The following USP15 variants were observed in gnomAD, a reference collection of about 807,000 sequenced individuals.
The protein encoded by USP15 is ubiquitin carboxyl-terminal hydrolase 15.
A neutral mutation model predicts 127.1 loss-of-function variants in USP15; 18 were observed. That is an observed-to-expected ratio of 0.14 (90% CI 0.10 to 0.21). USP15 has a LOEUF of 0.21. Among genes scored for constraint, USP15 ranks in the 10% least tolerant of loss-of-function variants. USP15 has a pLI of 1.00. For missense variants in USP15, 805 were observed against 1,159.9 expected, an observed-to-expected ratio of 0.69 and a Z score of 4.44; for synonymous variants, 364 against 393.7, an observed-to-expected ratio of 0.92 and a Z score of 0.89.
chr12:62,353,238 A>G lies in USP15; in HGVS notation c.771-2093A>G, dbSNP rs141969424. Among the ~76,000 whole-genome samples, 212 of 152,134 alleles carry G rather than the reference A, an allele frequency of 1.4e-3. 2 individuals are homozygous for G. Among genetic ancestry groups the G allele is most frequent in the African/African-American group, 4.6e-3 (193 of 41,548 alleles). On this transcript the variant is annotated intron_variant, in intron 7 of 21. Coordinates refer to ENST00000280377, the MANE Select transcript of USP15 (RefSeq NM_001252078.2). The stretch of plus-strand genomic sequence containing the variant: ...TCTCAATCTTTGAGCAAAGTTGTAG[A>G]TATTATTTAGGGATTTAGATTTTTT...
In USP15 at chr12:62,336,588, T is replaced by G. The variant is rs1246199212; in HGVS notation, c.683+10655T>G. Reference sequence around the variant, plus strand: ...TCATATTCGAAATTGAAATAAGATTTTAAGGTATTTTAAAATAACAGTACA... The same window carrying G: ...TCATATTCGAAATTGAAATAAGATTGTAAGGTATTTTAAAATAACAGTACA... On this transcript the variant is annotated intron_variant, in intron 6 of 21. Transcript: ENST00000280377. 4.2e-6 allele frequency: 3 copies of G among 722,632 alleles called. No homozygotes were observed. In the East Asian group the frequency reaches 3.9e-4, roughly 95 times the overall value. 44.8% of individuals were successfully genotyped at this position (722,632 alleles called of 1,614,324 possible).
At chr12:62,307,528 C>T (rs1213243759) in intron 3 of USP15, among the ~76,000 whole-genome samples, 1 of 152,122 alleles carries the variant, frequency 6.6e-6, no homozygotes, top group East Asian at 1.9e-4. Flanking sequence ...TCTTAGTTCA[C>T]AGGCCTATAC....
chr12:62,321,835 A>T (rs2064993411), intron 5 of USP15, among the ~76,000 whole-genome samples: 1 of 152,188 alleles, frequency 6.6e-6, no homozygotes, highest in African/African-American at 2.4e-5. Flanking sequence ...TTAGAAAAAA[A>T]TCCCAGCTAA....
intron 4 of USP15, among the ~76,000 whole-genome samples, chr12:62,317,003 T>C (rs554579939): frequency 6.6e-6 from 1 of 152,312 alleles, no homozygotes; most frequent in South Asian, 2.1e-4. Flanking sequence ...ATTAAATCAT[T>C]GTTTTTCAAA....
intron 2 of USP15, among the ~76,000 whole-genome samples, chr12:62,295,936 A>G (rs909717742): frequency 1.3e-5 from 2 of 152,242 alleles, no homozygotes. Context: ...GTTATGTGGC[A>G]AAAAGAGACT....
chr12:62,282,761 C>T (rs1442453642), intron 1 of USP15, among the ~76,000 whole-genome samples: 10 of 152,038 alleles, frequency 6.6e-5, no homozygotes, highest in Admixed American at 6.6e-4. Flanking sequence ...AGTGAGAGTA[C>T]CACAGTTGAC....
At chr12:62,280,835 T>C (rs2063627241) in intron 1 of USP15, among the ~76,000 whole-genome samples, 1 of 152,172 alleles carries the variant, frequency 6.6e-6, no homozygotes. Flanking sequence ...CAGCTGAGTC[T>C]AAAGAGGTAG....
intron 20 of USP15, among the ~76,000 whole-genome samples, chr12:62,396,862 C>T (rs141543025): frequency 3.6e-4 from 55 of 152,304 alleles, no homozygotes; most frequent in African/African-American, 1.2e-3. Context: ...TATCTCTCCA[C>T]TTACCTCATG....
In USP15 at chr12:62,316,625, T is replaced by C. The variant is rs1057363594; in HGVS notation, c.475+1709T>C. 3.3e-5 allele frequency among the ~76,000 whole-genome samples: 5 copies of C among 152,096 alleles called. No individual in the cohort carries two copies. In the South Asian group the frequency reaches 8.3e-4, roughly 25 times the overall value. On this transcript the variant is annotated intron_variant, in intron 4 of 21. Transcript: ENST00000280377. ...AGCTACCTCTTAAAATAATGTTTTC[T>C]AGTTATTTTTAAAGTTTGGTATTTT...
chr12:62,292,321 A>G lies in USP15; in HGVS notation c.90-1858A>G, dbSNP rs950474896. Among the ~76,000 whole-genome samples the G allele has an allele frequency of 2.6e-5, 4 of 152,194 alleles. No individual in the cohort carries two copies. In the South Asian group the frequency reaches 8.3e-4, roughly 31 times the overall value. ...TAGAACTACAGGAGATGCTTGCCCC[A>G]TGGCTTGACAGTACACTTCTGTGCT... On this transcript the variant is annotated intron_variant, in intron 1 of 21. Transcript: ENST00000280377.
At position 62,412,161 on chromosome 12, in the gene USP15, T is replaced by C. The variant is rs966717708; in HGVS notation, c.*7786T>C. ...AAGGCATATTTACCCTATACTGTAG[T>C]CTATTAACTGCAATAACATTGTGCC... On this transcript the variant is annotated 3_prime_UTR_variant, in exon 22 of 22. Coordinates refer to ENST00000280377, the MANE Select transcript of USP15 (RefSeq NM_001252078.2). 2.6e-5 allele frequency: 4 copies of C among 152,192 alleles called. No homozygotes were observed. Among genetic ancestry groups the C allele is most frequent in the Non-Finnish European group, 5.9e-5 (4 of 68,036 alleles). The allele number at this position is 152,192 out of a possible 1,614,324, so 9.4% of individuals were successfully genotyped here.
At chr12:62,387,214 A>T (rs927251264) in intron 11 of USP15, among the ~76,000 whole-genome samples, 3 of 152,182 alleles carry the variant, frequency 2.0e-5, no homozygotes, top group Non-Finnish European at 4.4e-5. Context: ...TTAGCTATAA[A>T]TTGGACAATC....
At chr12:62,264,166 T>C (rs2063142202) in intron 1 of USP15, among the ~76,000 whole-genome samples, 1 of 152,096 alleles carries the variant, frequency 6.6e-6, no homozygotes, top group African/African-American at 2.4e-5. Context: ...TTATTTTTAG[T>C]AGAGACAGGG....
At chr12:62,350,818 G>A (rs771059862) in intron 7 of USP15, among the ~76,000 whole-genome samples, 30 of 152,036 alleles carry the variant, frequency 2.0e-4, no homozygotes, top group Non-Finnish European at 3.4e-4. Context: ...CATAGAGACA[G>A]TCCCACTATG....
Position 62,408,476 on chromosome 12 carries a change from A to C in USP15, c.*4101A>C, listed in dbSNP as rs551275512. On this transcript the variant is annotated 3_prime_UTR_variant, in exon 22 of 22. Coordinates refer to ENST00000280377, the MANE Select transcript of USP15 (RefSeq NM_001252078.2). ...CCTCTAAAATATCAGAGGAGTGAGA[A>C]GGAAAGGAAGAGCTCCTTTCTAGGG... The C allele has an allele frequency of 7.2e-5, 11 of 152,262 alleles. No homozygotes were observed. In the East Asian group the frequency reaches 1.9e-3, roughly 27 times the overall value. 9.4% of individuals were successfully genotyped at this position (152,262 alleles called of 1,614,324 possible). A position where few individuals can be genotyped will look rare whatever the true frequency, so the allele number is the denominator to read the frequency against.
At chr12:62,298,830 C>CAAA (rs1163091790) in intron 2 of USP15, among the ~76,000 whole-genome samples, 229 of 64,808 alleles carry the variant, frequency 3.5e-3, no homozygotes, top group Non-Finnish European at 4.3e-3. Flanking sequence ...CCCTGTCTTG[C>CAAA]AAAAAAAAAA....
chr12:62,295,872 T>A (rs2064114538), intron 2 of USP15, among the ~76,000 whole-genome samples: 1 of 152,206 alleles, frequency 6.6e-6, no homozygotes, highest in Non-Finnish European at 1.5e-5. Flanking sequence ...TACTCTCCCC[T>A]TTGAGTGTAG....
chr12:62,387,155 T>C (rs1019388438), intron 11 of USP15, among the ~76,000 whole-genome samples: 1 of 152,108 alleles, frequency 6.6e-6, no homozygotes. Context: ...GGTAGAGATA[T>C]CCAGTAGGCA....
At chr12:62,335,562 C>A (rs1407642829) in intron 6 of USP15, 2 of 1,044,362 alleles carry the variant, frequency 1.9e-6, no homozygotes, top group Non-Finnish European at 2.3e-6. Flanking sequence ...ATATAAATGC[C>A]TAGCATAGTG....
Sources: allele counts gnomAD v4.1 joint callset (sites outside exome capture counted in the v4.1 genomes callset), GRCh38; gene constraint gnomAD v4.1.1; transcripts MANE v1.5; gene names NCBI Gene and HGNC (gene_info 2026-07-23, HGNC 2026-07-21).